PHACTR1: variants seen among roughly 807,000 people sequenced by gnomAD.
PHACTR1 encodes the protein RPEL repeat containing 1.
A neutral mutation model predicts 69.2 loss-of-function variants in PHACTR1; 16 were observed. The ratio of observed to expected loss-of-function variants is 0.23; its 90% CI spans 0.16 to 0.35. The LOEUF (loss-of-function observed/expected upper bound fraction) is 0.35. PHACTR1 is among the 10% of genes least tolerant of loss of function. PHACTR1 has a pLI of 1.00. For synonymous variants in PHACTR1, 312 were observed against 284.5 expected, an observed-to-expected ratio of 1.10 and a Z score of -0.97; for missense variants, 510 against 734.7, an observed-to-expected ratio of 0.69 and a Z score of 3.54.
intron 3 of PHACTR1, among the ~76,000 whole-genome samples, chr6:12,746,335 A>G (rs1173140310): frequency 2.0e-5 from 3 of 152,168 alleles, no homozygotes; most frequent in African/African-American, 7.2e-5. Flanking sequence ...GGAGTTTGAG[A>G]CCAGCTACGT....
rs921816219 is a variant in PHACTR1 at position 12,914,304 on chromosome 6, ACTT to A, written c.251-139053_251-139051del. ...TGAGCCACTGCTCCCAACAGAGGCA[ACTT>A]CTTCTTCCAGCTTCTGCTAGGTCTC... On this transcript the variant is annotated intron_variant, in intron 4 of 14. Coordinates refer to ENST00000332995, the MANE Select transcript of PHACTR1 (RefSeq NM_030948.6). Among the ~76,000 whole-genome samples, 77 of 152,238 alleles carry A rather than the reference ACTT, an allele frequency of 5.1e-4. 1 individual carries two copies. Among genetic ancestry groups the A allele is most frequent in the African/African-American group, 1.6e-3 (68 of 41,566 alleles).
intron 4 of PHACTR1, among the ~76,000 whole-genome samples, chr6:12,965,673 G>T (rs929839595): frequency 3.5e-4 from 54 of 152,262 alleles, no homozygotes; most frequent in African/African-American, 1.2e-3. Flanking sequence ...GTTAAATCCG[G>T]CATGGTTCAA....
intron 4 of PHACTR1, among the ~76,000 whole-genome samples, chr6:12,877,813 C>T (rs1438952025): frequency 6.6e-6 from 1 of 152,200 alleles, no homozygotes; most frequent in Non-Finnish European, 1.5e-5. Context: ...ACTGTGCGCT[C>T]ACCTTCATAA....
intron 12 of PHACTR1, chr6:13,281,281 C>T (rs371883224): frequency 1.6e-5 from 7 of 436,540 alleles, no homozygotes; most frequent in African/African-American, 1.3e-4. Context: ...GGGCCGGGCT[C>T]GGTGGCTCAT....
chr6:12,894,174 T>TATTA (rs1240204365), intron 4 of PHACTR1, among the ~76,000 whole-genome samples: 2 of 152,244 alleles, frequency 1.3e-5, no homozygotes, highest in African/African-American at 4.8e-5. Context: ...GAGACTCTAA[T>TATTA]ATCTCAAGTA....
intron 10 of PHACTR1, among the ~76,000 whole-genome samples, chr6:13,241,977 G>A (rs567452330): frequency 7.1e-4 from 105 of 148,850 alleles, no homozygotes; most frequent in Non-Finnish European, 1.2e-3. Flanking sequence ...AGGTTGCAAT[G>A]AGCTGAGTTT....
intron 4 of PHACTR1, among the ~76,000 whole-genome samples, chr6:12,798,069 C>CACACACACACACAT (rs1561892342): frequency 6.7e-6 from 1 of 149,482 alleles, no homozygotes; most frequent in South Asian, 2.2e-4. Context: ...CACACACACA[C>CACACACACACACAT]CCCTACATAA....
At chr6:13,251,313 A>T (rs1168833192) in intron 10 of PHACTR1, among the ~76,000 whole-genome samples, 1 of 152,204 alleles carries the variant, frequency 6.6e-6, no homozygotes, top group African/African-American at 2.4e-5. Flanking sequence ...TTCCCTCAGG[A>T]TGGAGGCAGG....
At chr6:12,922,576 G>A (rs1284440207) in intron 4 of PHACTR1, among the ~76,000 whole-genome samples, 2 of 152,168 alleles carry the variant, frequency 1.3e-5, no homozygotes, top group East Asian at 3.9e-4. Flanking sequence ...TAAACATGGA[G>A]ATGGAAACAA....
intron 7 of PHACTR1, among the ~76,000 whole-genome samples, chr6:13,199,612 G>A (rs563895020): frequency 1.3e-5 from 2 of 152,100 alleles, no homozygotes; most frequent in Middle Eastern, 3.2e-3. Flanking sequence ...GAACCTGAAT[G>A]CTTTGAATCA....
chr6:12,952,142 C>A (rs2127554718), intron 4 of PHACTR1, among the ~76,000 whole-genome samples: 1 of 152,320 alleles, frequency 6.6e-6, no homozygotes, highest in Middle Eastern at 3.4e-3. Context: ...ACAGAGATTT[C>A]TCATATACCT....
chr6:12,737,975 C>T (rs1297945099), intron 3 of PHACTR1, among the ~76,000 whole-genome samples: 2 of 152,100 alleles, frequency 1.3e-5, no homozygotes, highest in Admixed American at 6.5e-5. Flanking sequence ...ATTTAATCTG[C>T]TCCTTGTATT....
chr6:13,019,477 T>C (rs1800666509), intron 4 of PHACTR1, among the ~76,000 whole-genome samples: 1 of 152,220 alleles, frequency 6.6e-6, no homozygotes, highest in African/African-American at 2.4e-5. Context: ...ACCAAGATTC[T>C]GCAATATCTG....
intron 4 of PHACTR1, among the ~76,000 whole-genome samples, chr6:13,009,249 A>G (rs1799175578): frequency 6.6e-6 from 1 of 152,124 alleles, no homozygotes. Flanking sequence ...ATAAGGTCAC[A>G]CTCACATGTT....
At chr6:12,995,487 C>T (rs1366976765) in intron 4 of PHACTR1, among the ~76,000 whole-genome samples, 1 of 151,768 alleles carries the variant, frequency 6.6e-6, no homozygotes, top group Non-Finnish European at 1.5e-5. Context: ...AACTAGCATA[C>T]CAATATTACT....
intron 4 of PHACTR1, among the ~76,000 whole-genome samples, chr6:13,019,940 G>A (rs1464927552): frequency 1.3e-5 from 2 of 152,150 alleles, no homozygotes; most frequent in Admixed American, 1.3e-4. Context: ...GTAGTCCATT[G>A]AGCCAGTTAG....
At chr6:13,212,109 T>C (rs1766945634) in intron 8 of PHACTR1, among the ~76,000 whole-genome samples, 3 of 152,180 alleles carry the variant, frequency 2.0e-5, no homozygotes, top group Non-Finnish European at 4.4e-5. Flanking sequence ...TCCTCATCTC[T>C]GCTTATAAGG....
intron 5 of PHACTR1, among the ~76,000 whole-genome samples, chr6:13,094,006 G>C (rs1201769586): frequency 6.6e-6 from 1 of 152,046 alleles, no homozygotes; most frequent in Non-Finnish European, 1.5e-5. Flanking sequence ...CAAGTAGCTG[G>C]GGCCTCAGAT....
At chr6:13,205,676 G>C in intron 7 of PHACTR1, 139 bp from the exon 8 acceptor site, 1 of 748,940 alleles carries the variant, frequency 1.3e-6, no homozygotes, top group East Asian at 2.7e-5. Flanking sequence ...CACTCATCAC[G>C]CTGGTGCCTC....
Sources: allele counts gnomAD v4.1 joint callset (sites outside exome capture counted in the v4.1 genomes callset), GRCh38; gene constraint gnomAD v4.1.1; transcripts MANE v1.5; gene names NCBI Gene and HGNC (gene_info 2026-07-23, HGNC 2026-07-21).